The following ARHGAP15 variants were observed in gnomAD, a reference collection of about 807,000 sequenced individuals.
The protein encoded by ARHGAP15 is Rho GTPase activating protein 15, also known as rho GTPase-activating protein 15.
Under a neutral mutation model 63.7 loss-of-function variants are expected in ARHGAP15, and 51 were observed. The ratio of observed to expected loss-of-function variants is 0.80; its 90% CI spans 0.64 to 1.01. ARHGAP15 has a LOEUF of 1.01. Ranked by LOEUF, ARHGAP15 falls within the 50% of genes least tolerant of loss-of-function variation. The pLI is 0.00. For synonymous variants in ARHGAP15, 191 were observed against 193.8 expected (o/e 0.99, Z 0.12); for missense variants, 560 against 564.6 (o/e 0.99, Z 0.08).
At chr2:143,592,765 G>C (rs1197048146) in intron 11 of ARHGAP15, among the ~76,000 whole-genome samples, 1 of 152,198 alleles carries the variant, frequency 6.6e-6, no homozygotes, top group Non-Finnish European at 1.5e-5. Context: ...ATATAGAAAT[G>C]TGAGTGTCAT....
At chr2:143,698,386 T>G (rs1683941989) in intron 12 of ARHGAP15, among the ~76,000 whole-genome samples, 2 of 152,188 alleles carry the variant, frequency 1.3e-5, no homozygotes, top group South Asian at 4.1e-4. Context: ...CAAGTGTAAC[T>G]ATCATAAACC....
intron 6 of ARHGAP15, among the ~76,000 whole-genome samples, chr2:143,258,362 A>G (rs138034539): frequency 1.2e-4 from 19 of 152,254 alleles, no homozygotes; most frequent in Admixed American, 6.5e-5. Flanking sequence ...TTAAAGCAAT[A>G]TAAGAAAATA....
At chr2:143,248,196 C>A (rs778983285) in intron 5 of ARHGAP15, among the ~76,000 whole-genome samples, 2 of 152,028 alleles carry the variant, frequency 1.3e-5, no homozygotes, top group Non-Finnish European at 2.9e-5. Context: ...TGGAGTACAG[C>A]TCTTTTATAT....
intron 12 of ARHGAP15, among the ~76,000 whole-genome samples, chr2:143,647,501 A>G (rs779359359): frequency 5.7e-4 from 86 of 152,148 alleles, no homozygotes; most frequent in Admixed American, 8.5e-4. Context: ...TTCTACATGA[A>G]CACATTTTTC....
intron 8 of ARHGAP15, among the ~76,000 whole-genome samples, chr2:143,441,014 C>G (rs1241120767): frequency 6.6e-6 from 1 of 152,110 alleles, no homozygotes; most frequent in Non-Finnish European, 1.5e-5. Context: ...AAAAATGGGT[C>G]TAATACTGTC....
intron 10 of ARHGAP15, among the ~76,000 whole-genome samples, chr2:143,552,980 C>T (rs1401662770): frequency 6.6e-6 from 1 of 152,080 alleles, no homozygotes; most frequent in East Asian, 1.9e-4. Context: ...GTTTGCAATC[C>T]AGCAAGGATA....
chr2:143,646,104 A>G (rs1268746268), intron 12 of ARHGAP15, among the ~76,000 whole-genome samples: 1 of 152,026 alleles, frequency 6.6e-6, no homozygotes, highest in Non-Finnish European at 1.5e-5. Context: ...TGCACTCAGG[A>G]AATTCACAGT....
intron 6 of ARHGAP15, among the ~76,000 whole-genome samples, chr2:143,369,889 G>A (rs936475446): frequency 6.6e-6 from 1 of 151,646 alleles, no homozygotes; most frequent in Admixed American, 6.6e-5. Context: ...GAATTTCCAG[G>A]AAGTTATATA....
intron 12 of ARHGAP15, among the ~76,000 whole-genome samples, chr2:143,670,176 T>TCA: frequency 6.6e-6 from 1 of 152,306 alleles, no homozygotes; most frequent in Admixed American, 6.5e-5. Flanking sequence ...CTCAACATCC[T>TCA]CTGAGCAAAC....
intron 10 of ARHGAP15, among the ~76,000 whole-genome samples, chr2:143,529,698 C>T (rs1024377929): frequency 3.3e-5 from 5 of 152,116 alleles, no homozygotes; most frequent in African/African-American, 9.7e-5. Flanking sequence ...CCCTTTTTAT[C>T]CATCTGCCAA....
At chr2:143,514,566 A>G (rs961190427) in intron 9 of ARHGAP15, among the ~76,000 whole-genome samples, 3 of 152,306 alleles carry the variant, frequency 2.0e-5, no homozygotes, top group Admixed American at 1.3e-4. Context: ...AGCTTAGATC[A>G]TATTTCACCA....
intron 2 of ARHGAP15, among the ~76,000 whole-genome samples, chr2:143,163,331 A>G (rs1690372485): frequency 6.6e-6 from 1 of 151,884 alleles, no homozygotes; most frequent in Non-Finnish European, 1.5e-5. Context: ...TCTTCCTTGT[A>G]TACAGTAGAT....
intron 6 of ARHGAP15, among the ~76,000 whole-genome samples, chr2:143,294,830 C>A (rs1474705563): frequency 6.6e-6 from 1 of 152,004 alleles, no homozygotes. Flanking sequence ...GCCAGTGGGA[C>A]TCTTTCTGCA....
intron 6 of ARHGAP15, among the ~76,000 whole-genome samples, chr2:143,361,911 G>A (rs927325725): frequency 6.6e-6 from 1 of 152,168 alleles, no homozygotes; most frequent in Non-Finnish European, 1.5e-5. Context: ...AGGAAAAACA[G>A]TTCAAACTCT....
At chr2:143,171,054 G>A (rs1438899878) in intron 2 of ARHGAP15, among the ~76,000 whole-genome samples, 1 of 151,580 alleles carries the variant, frequency 6.6e-6, no homozygotes, top group South Asian at 2.1e-4. Context: ...ACACAGAGAG[G>A]GCAAAAACAC....
At chr2:143,756,093 A>G (rs568379159) in intron 13 of ARHGAP15, among the ~76,000 whole-genome samples, 2 of 152,328 alleles carry the variant, frequency 1.3e-5, no homozygotes, top group Admixed American at 1.3e-4. Flanking sequence ...ACAAGGAGAC[A>G]ATTTTCAAGA....
At chr2:143,187,748 G>T (rs529349551) in intron 2 of ARHGAP15, among the ~76,000 whole-genome samples, 1 of 152,320 alleles carries the variant, frequency 6.6e-6, no homozygotes, top group Admixed American at 6.5e-5. Flanking sequence ...TATATTGAAG[G>T]ATCTGATAAG....
intron 5 of ARHGAP15, among the ~76,000 whole-genome samples, chr2:143,231,088 TA>T (rs1381398627): frequency 3.3e-5 from 5 of 150,388 alleles, no homozygotes; most frequent in Non-Finnish European, 7.4e-5. Context: ...TTTTTTTTTT[TA>T]CCACTCATTA....
At chr2:143,579,995 A>G (rs1326934677) in intron 11 of ARHGAP15, among the ~76,000 whole-genome samples, 2 of 142,464 alleles carry the variant, frequency 1.4e-5, no homozygotes, top group Admixed American at 6.9e-5. Flanking sequence ...GTTTCTTCAA[A>G]ACATTTGTTT....
Sources: gnomAD v4.1 joint callset for allele counts (sites outside exome capture counted in the v4.1 genomes callset) on GRCh38, gnomAD v4.1.1 for gene constraint, MANE v1.5 for transcripts, NCBI Gene and HGNC (gene_info 2026-07-23, HGNC 2026-07-21) for gene names.